LRP1B: variants seen among roughly 807,000 people sequenced by gnomAD.
LRP1B encodes LDL receptor related protein 1B.
Under a neutral mutation model 556.6 loss-of-function variants are expected in LRP1B, and 217 were observed. The ratio of observed to expected loss-of-function variants is 0.39; its 90% CI spans 0.35 to 0.44. LRP1B has a LOEUF of 0.44. LRP1B is among the 20% of genes least tolerant of loss of function. The pLI is 1.00. For synonymous variants in LRP1B, 2,047 were observed against 1,865.8 expected (o/e 1.10, Z -2.50); for missense variants, 5,053 against 5,620.8 (o/e 0.90, Z 3.23).
intron 22 of LRP1B, among the ~76,000 whole-genome samples, chr2:140,903,748 C>T (rs1200186156): frequency 1.3e-5 from 2 of 150,490 alleles, no homozygotes; most frequent in Non-Finnish European, 3.0e-5. Flanking sequence ...TACATTGTGC[C>T]TCATATATTG....
chr2:141,758,543 A>G (rs1270371846), intron 2 of LRP1B, among the ~76,000 whole-genome samples: 1 of 152,116 alleles, frequency 6.6e-6, no homozygotes, highest in Non-Finnish European at 1.5e-5. Context: ...AACATAGGAA[A>G]TTAATAGGTA....
intron 2 of LRP1B, among the ~76,000 whole-genome samples, chr2:141,484,624 C>A (rs1469549005): frequency 6.6e-6 from 1 of 151,982 alleles, no homozygotes; most frequent in African/African-American, 2.4e-5. Context: ...TTGTTTGTAT[C>A]CTCTTTTATT....
intron 2 of LRP1B, among the ~76,000 whole-genome samples, chr2:141,712,414 AATTATATAATGTATGATT>A (rs1692397059): frequency 2.0e-5 from 3 of 152,102 alleles, no homozygotes; most frequent in Non-Finnish European, 4.4e-5. Flanking sequence ...CCTAGTTATT[AATTATATAATGTATGATT>A]ATTCCAAGTA....
intron 2 of LRP1B, among the ~76,000 whole-genome samples, chr2:141,794,455 G>T (rs963937203): frequency 2.0e-5 from 3 of 151,736 alleles, no homozygotes; most frequent in Non-Finnish European, 2.9e-5. Context: ...CAGATTGAAG[G>T]GCTCTAGTTC....
chr2:142,103,826 T>A (rs769935021), intron 1 of LRP1B, among the ~76,000 whole-genome samples: 4 of 151,722 alleles, frequency 2.6e-5, no homozygotes, highest in Non-Finnish European at 5.9e-5. Flanking sequence ...CTCATACTAT[T>A]GGCTGATTCT....
At chr2:141,154,519 G>A (rs1165955402) in intron 7 of LRP1B, among the ~76,000 whole-genome samples, 1 of 151,700 alleles carries the variant, frequency 6.6e-6, no homozygotes, top group East Asian at 1.9e-4. Flanking sequence ...TTTCTCCTTA[G>A]TTTTCTCTTC....
intron 41 of LRP1B, among the ~76,000 whole-genome samples, chr2:140,605,700 C>CT (rs918848644): frequency 4.0e-5 from 6 of 150,050 alleles, no homozygotes; most frequent in African/African-American, 1.5e-4. Flanking sequence ...TTCTTTCTTC[C>CT]TTTTTTTGAG....
chr2:141,909,537 T>A lies in LRP1B; in HGVS notation c.83-99136A>T, dbSNP rs1216094769. On this transcript the variant is annotated intron_variant, in intron 1 of 90. Transcript: ENST00000389484. ...CTAAGGTCTCAGACATTTTTTTTTT[T>A]TTTTTTTTTTTTTTTTTTTTTTTAC... is the stretch of plus-strand genomic sequence containing the variant. Among the ~76,000 whole-genome samples the A allele has an allele frequency of 8.2e-5, 4 of 48,682 alleles. No individual in the cohort carries two copies. The East Asian group carries it at 2.4e-3, about 30-fold the overall frequency. 31.9% of individuals were successfully genotyped at this position (48,682 alleles called of 152,430 possible).
At position 140,949,064 on chromosome 2, in the gene LRP1B, A is replaced by G. The variant is rs561378127; in HGVS notation, c.3136+1171T>C. ...GAAGACAAACATATCTGTGTAAAAC[A>G]CTTTGAAAATGCTTTCTTTTGCTCA... On this transcript the variant is annotated intron_variant, in intron 20 of 90. Transcript: ENST00000389484. Among the ~76,000 whole-genome samples, 31 of 152,322 alleles carry G rather than the reference A, an allele frequency of 2.0e-4. 3 individuals carry two copies. The Middle Eastern group carries it at 0.034, about 167-fold the overall frequency.
intron 3 of LRP1B, among the ~76,000 whole-genome samples, chr2:141,300,311 A>G (rs1204971720): frequency 6.6e-6 from 1 of 152,198 alleles, no homozygotes; most frequent in African/African-American, 2.4e-5. Context: ...GAGCACCATT[A>G]TATAAATTTT....
intron 6 of LRP1B, among the ~76,000 whole-genome samples, chr2:141,219,452 T>A (rs977521788): frequency 6.6e-6 from 1 of 152,208 alleles, no homozygotes; most frequent in Non-Finnish European, 1.5e-5. Context: ...CTGATATTCC[T>A]GGGAAGGAGA....
At chr2:142,124,331 T>G (rs917195106) in intron 1 of LRP1B, among the ~76,000 whole-genome samples, 3 of 152,100 alleles carry the variant, frequency 2.0e-5, no homozygotes, top group African/African-American at 7.2e-5. Context: ...CATTTATTTA[T>G]TCATGCCATT....
chr2:141,030,378 T>C (rs1444948838), intron 11 of LRP1B, among the ~76,000 whole-genome samples: 1 of 152,088 alleles, frequency 6.6e-6, no homozygotes, highest in Admixed American at 6.5e-5. Flanking sequence ...TGAAAAAGGG[T>C]ACTTTTTGTT....
intron 5 of LRP1B, among the ~76,000 whole-genome samples, chr2:141,233,347 C>T (rs1158652266): frequency 6.6e-6 from 1 of 152,172 alleles, no homozygotes; most frequent in African/African-American, 2.4e-5. Context: ...TGTCCTCATA[C>T]TCCTCACCAC....
chr2:142,049,479 C>T (rs907927234), intron 1 of LRP1B, among the ~76,000 whole-genome samples: 1 of 152,054 alleles, frequency 6.6e-6, no homozygotes, highest in Non-Finnish European at 1.5e-5. Context: ...GTGTCAAATA[C>T]TATATGAACT....
At chr2:141,463,507 G>A (rs1352799546) in intron 3 of LRP1B, among the ~76,000 whole-genome samples, 1 of 136,896 alleles carries the variant, frequency 7.3e-6, no homozygotes, top group Non-Finnish European at 1.6e-5. Context: ...ACTTTGACCA[G>A]GAAAGAAACA....
At chr2:141,810,171 A>T in intron 2 of LRP1B, 108 bp downstream of exon 2, 1 of 830,768 alleles carries the variant, frequency 1.2e-6, no homozygotes, top group Non-Finnish European at 1.7e-6. Context: ...GAAAGAAGGA[A>T]AGAAAGAAAG....
At position 141,305,151 on chromosome 2, in the gene LRP1B, A is replaced by G. The variant is rs182225281; in HGVS notation, c.344-50510T>C. Among the ~76,000 whole-genome samples the G allele has an allele frequency of 4.5e-3, 690 of 152,248 alleles. 2 individuals are homozygous for G. The highest frequency in any genetic ancestry group is 0.015 in the African/African-American group (625 of 41,566). ...CATTGGCATTTTGATAGGGATTACAATGAATCTGTAGACTGCTTTGGGTAG... is the reference window on the plus strand; with the variant it reads ...CATTGGCATTTTGATAGGGATTACAGTGAATCTGTAGACTGCTTTGGGTAG... On this transcript the variant is annotated intron_variant, in intron 3 of 90. Coordinates refer to ENST00000389484, the MANE Select transcript of LRP1B (RefSeq NM_018557.3).
chr2:141,965,711 C>G (rs1183007833), intron 1 of LRP1B, among the ~76,000 whole-genome samples: 2 of 124,826 alleles, frequency 1.6e-5, no homozygotes, highest in Non-Finnish European at 3.3e-5. Context: ...CTAACCTGCA[C>G]AATGTGCACA....
Sources: gnomAD v4.1 joint callset for allele counts (sites outside exome capture counted in the v4.1 genomes callset) on GRCh38, gnomAD v4.1.1 for gene constraint, MANE v1.5 for transcripts, NCBI Gene and HGNC (gene_info 2026-07-23, HGNC 2026-07-21) for gene names.